CKB: variants seen among roughly 807,000 people sequenced by gnomAD.
The protein encoded by CKB is creatine kinase B, also known as creatine kinase B-type.
CKB carries 15 observed loss-of-function variants against 36.9 expected under a neutral mutation model. The ratio of observed to expected loss-of-function variants is 0.41; its 90% CI spans 0.27 to 0.63. The LOEUF is 0.63. Ranked by LOEUF, CKB falls within the 20% of genes least tolerant of loss-of-function variation. CKB has a pLI of 0.34. For missense variants in CKB, 413 were observed against 534.9 expected (o/e 0.77, Z 2.25); for synonymous variants, 250 against 228.2 (o/e 1.10, Z -0.86).
Position 103,522,555 on chromosome 14 carries a change from G to GGCCCCCCC in CKB, c.-12-51_-12-50insGGGGGGGC. On this transcript the variant is annotated intron_variant, in intron 1 of 7. Transcript: ENST00000348956. The surrounding 1 kb of genome is among the most constrained non-coding windows in gnomAD (Gnocchi z 6.7). ...GGGACCGGCACGCCGGGGTTCCCGG[G>GGCCCCCCC]CTCCCGCGTACCACTCAGGCCCCCG... The GGCCCCCCC allele has an allele frequency of 9.6e-7, 1 of 1,041,602 alleles. No homozygotes were observed. The highest frequency in any genetic ancestry group is 1.3e-6 in the Non-Finnish European group (1 of 787,018). 64.5% of individuals were successfully genotyped at this position (1,041,602 alleles called of 1,614,324 possible).
chr14:103,520,735 C>CGGGGCGGGCGG (rs2075894190), intron 5 of CKB, 143 bp from the exon 6 acceptor site: 2 of 1,183,098 alleles, frequency 1.7e-6, no homozygotes, highest in Admixed American at 5.8e-5. Context: ...CCCGCCAACA[C>CGGGGCGGGCGG]GGGGCGGGCG....
chr14:103,519,753 T>C lies in CKB; in HGVS notation c.*111A>G. The C allele has an allele frequency of 2.4e-6, 3 of 1,266,468 alleles. No homozygotes were observed. The highest frequency in any genetic ancestry group is 3.3e-6 in the Non-Finnish European group (3 of 922,838). The allele number at this position is 1,266,468 out of a possible 1,614,324, so 78.5% of individuals were successfully genotyped here. A position where few individuals can be genotyped will look rare whatever the true frequency, so the allele number is the denominator to read the frequency against. ...CTCTACCAAGGGTGACGGAAGTCTC[T>C]ACAGCAAGGCTAAGGGCTCGCCAGA... On this transcript the variant is annotated 3_prime_UTR_variant, in exon 8 of 8. Coordinates refer to ENST00000348956, the MANE Select transcript of CKB (RefSeq NM_001823.5).
chr14:103,521,586 C>T, intron 4 of CKB, 152 bp from the exon 5 acceptor site: 1 of 912,566 alleles, frequency 1.1e-6, no homozygotes, highest in Non-Finnish European at 1.5e-6. Context: ...GCCCGGGCGA[C>T]GGTCCCAGGC....
In CKB at chr14:103,522,182, G is replaced by C. The variant is rs769007436; in HGVS notation, c.194-5C>G. 3 of 1,602,298 alleles carry C rather than the reference G, an allele frequency of 1.9e-6. No individual in the cohort carries two copies. Among genetic ancestry groups the C allele is most frequent in the Non-Finnish European group, 8.5e-7 (1 of 1,175,226 alleles). On this transcript the variant is annotated splice_region_variant and splice_polypyrimidine_tract_variant and intron_variant, in intron 2 of 7. Coordinates refer to ENST00000348956, the MANE Select transcript of CKB (RefSeq NM_001823.5). This position sits in a 1 kb window ranked among gnomAD's most constrained non-coding sequence, Gnocchi z 6.7. ...CGGTCATGATGTACGGGTGGCCTGGGGGAGGGGGCGCGGGACGGGGACAGT... is the reference window on the plus strand; with the variant it reads ...CGGTCATGATGTACGGGTGGCCTGGCGGAGGGGGCGCGGGACGGGGACAGT...
Position 103,522,591 on chromosome 14 carries a change from C to G in CKB, c.-12-86G>C. 1.1e-6 allele frequency: 1 copy of G among 893,142 alleles called. No individual in the cohort carries two copies. The highest frequency in any genetic ancestry group is 1.5e-6 in the Non-Finnish European group (1 of 661,734). 55.3% of individuals were successfully genotyped at this position (893,142 alleles called of 1,614,324 possible). On this transcript the variant is annotated intron_variant, in intron 1 of 7. Coordinates refer to ENST00000348956, the MANE Select transcript of CKB (RefSeq NM_001823.5). The surrounding 1 kb of genome is among the most constrained non-coding windows in gnomAD (Gnocchi z 6.7). ...CCACTCAGGCCCCCGCCGCCGGGCC[C>G]CCCGGCGCCCCCCGGGACGCGGCCA...
At position 103,520,052 on chromosome 14, in the gene CKB, C is replaced by A. The variant is rs774679579; in HGVS notation, c.968-10G>T. The A allele has an allele frequency of 6.2e-7, 1 of 1,609,272 alleles. No individual in the cohort carries two copies. The highest frequency in any genetic ancestry group is 1.7e-5 in the Admixed American group (1 of 59,942). On this transcript the variant is annotated splice_polypyrimidine_tract_variant and intron_variant, in intron 7 of 7. Transcript: ENST00000348956. ...GCCGTGTCCACACCGCCTGGGGAGA[C>A]AGCAAGTCAGGGCGGAGGAAACAGG... is the stretch of plus-strand genomic sequence containing the variant.
In CKB at chr14:103,522,446, G is replaced by C; in HGVS notation, c.48C>G (p.Ala16=). The C allele has an allele frequency of 1.2e-6, 2 of 1,609,954 alleles. No homozygotes were observed. Among genetic ancestry groups the C allele is most frequent in the Non-Finnish European group, 1.7e-6 (2 of 1,178,732 alleles). The stretch of plus-strand genomic sequence containing the variant: ...CGCTCAGGTCGGGGAACTCGTCCTC[G>C]GCCGGGAAGCGCAGCTTCAGTGCGT... ...SHNALKLRFP[A]EDEFPDLSAH... Residue 16 remains alanine (A), a synonymous_variant, in exon 2 of 8, where the codon GCC becomes GCG. Transcript: ENST00000348956. This position sits in a 1 kb window ranked among gnomAD's most constrained non-coding sequence, Gnocchi z 6.7.
rs893112756 is a variant in CKB at position 103,520,915 on chromosome 14, CAGCG to C, written c.654-327_654-324del. The stretch of plus-strand genomic sequence containing the variant: ...GCGTCACCAGCCCCTGGTAGAATCC[CAGCG>C]GCGGAGGAGTGAGAAAAGAAAACAA... On this transcript the variant is annotated intron_variant, in intron 5 of 7. Transcript: ENST00000348956. 5.3e-4 allele frequency among the ~76,000 whole-genome samples: 80 copies of C among 152,292 alleles called. 1 individual carries two copies. The highest frequency in any genetic ancestry group is 5.1e-3 in the Admixed American group (78 of 15,306).
chr14:103,522,453 A>T lies in CKB; in HGVS notation c.41T>A (p.Phe14Tyr). The T allele has an allele frequency of 6.2e-7, 1 of 1,609,182 alleles. No individual in the cohort carries two copies. The highest frequency in any genetic ancestry group is 8.5e-7 in the Non-Finnish European group (1 of 1,178,512). The change falls in exon 2 of 8, where the codon TTC (phenylalanine) becomes TAC (tyrosine). Residue 14 changes from phenylalanine to tyrosine, a missense_variant. By Grantham distance (22) the Phe-to-Tyr change is conservative. Coordinates refer to ENST00000348956, the MANE Select transcript of CKB (RefSeq NM_001823.5). The surrounding 1 kb of genome is among the most constrained non-coding windows in gnomAD (Gnocchi z 6.7). ...SNSHNALKLR[F>Y]PAEDEFPDLS... The stretch of plus-strand genomic sequence containing the variant: ...GTCGGGGAACTCGTCCTCGGCCGGG[A>T]AGCGCAGCTTCAGTGCGTTGTGGCT...
rs899427287 is a variant in CKB, at chr14:103,522,613, GC to G, written c.-12-109del. The G allele has an allele frequency of 1.3e-6, 1 of 787,034 alleles. No individual in the cohort carries two copies. Among genetic ancestry groups the G allele is most frequent in the Non-Finnish European group, 1.7e-6 (1 of 571,780 alleles). The allele number at this position is 787,034 out of a possible 1,614,324, so 48.8% of individuals were successfully genotyped here. On this transcript the variant is annotated intron_variant, in intron 1 of 7. Coordinates refer to ENST00000348956, the MANE Select transcript of CKB (RefSeq NM_001823.5). This position sits in a 1 kb window ranked among gnomAD's most constrained non-coding sequence, Gnocchi z 6.7. ...GCCCCCCGGCGCCCCCCGGGACGCG[GC>G]CAAGGTCAGCGGGGTCCGCAGCGCG... is the stretch of plus-strand genomic sequence containing the variant.
rs1351646605 is a variant in CKB, at chr14:103,522,784, C to G, written c.-31G>C. On this transcript the variant is annotated 5_prime_UTR_variant, in exon 1 of 8. Coordinates refer to ENST00000348956, the MANE Select transcript of CKB (RefSeq NM_001823.5). The surrounding 1 kb of genome is among the most constrained non-coding windows in gnomAD (Gnocchi z 6.7). ...CACTCACCGGGCGGCCGGGCGGGGG[C>G]GGGGGCGCTCCGTCCGTCGGCAGCT... The G allele has an allele frequency of 6.7e-6, 1 of 150,312 alleles. No individual in the cohort carries two copies. The highest frequency in any genetic ancestry group is 1.5e-5 in the Non-Finnish European group (1 of 67,314). The allele number at this position is 150,312 out of a possible 1,614,324, so 9.3% of individuals were successfully genotyped here. A position where few individuals can be genotyped will look rare whatever the true frequency, so the allele number is the denominator to read the frequency against.
Position 103,522,543 on chromosome 14 carries a change from C to G in CKB, c.-12-38G>C. ...GCGGGGTCAGAGGGGACCGGCACGC[C>G]GGGGTTCCCGGGCTCCCGCGTACCA... is the stretch of plus-strand genomic sequence containing the variant. On this transcript the variant is annotated intron_variant, in intron 1 of 7. Transcript: ENST00000348956. This position sits in a 1 kb window ranked among gnomAD's most constrained non-coding sequence, Gnocchi z 6.7. 5.1e-6 allele frequency: 4 copies of G among 783,450 alleles called. No homozygotes were observed. Among genetic ancestry groups the G allele is most frequent in the Non-Finnish European group, 7.2e-6 (4 of 556,730 alleles). The allele number at this position is 783,450 out of a possible 1,614,324, so 48.5% of individuals were successfully genotyped here.
chr14:103,520,496 G>T lies in CKB; in HGVS notation c.750C>A (p.Phe250Leu). The T allele has an allele frequency of 6.2e-7, 1 of 1,606,760 alleles. No individual in the cohort carries two copies. The highest frequency in any genetic ancestry group is 2.2e-5 in the East Asian group (1 of 44,618). Residue 250 changes from phenylalanine (F) to leucine (L), a missense_variant, in exon 6 of 8, where the codon TTC becomes TTA. Transcript: ENST00000348956. ...MQKGGNMKEV[F>L]TRFCTGLTQI... ...GGGTGAGGCCGGTGCAGAAGCGGGT[G>T]AACACCTCCTTCATGTTGCCCCCCT... is the stretch of plus-strand genomic sequence containing the variant.
At chr14:103,520,769 A>G in intron 5 of CKB, 177 bp from the exon 6 acceptor site, 2 of 871,106 alleles carry the variant, frequency 2.3e-6, no homozygotes, top group Non-Finnish European at 3.4e-6. Context: ...GCCTCACAGC[A>G]GGAGAACCCC....
rs1417163275 is a variant in CKB, at chr14:103,522,393, AG to A, written c.100del (p.Leu34Ter). 1 of 1,611,010 alleles carries A rather than the reference AG, an allele frequency of 6.2e-7. No homozygotes were observed. Among genetic ancestry groups the A allele is most frequent in the Non-Finnish European group, 8.5e-7 (1 of 1,179,070 alleles). The part of the protein sequence containing the change: ...SAHNNHMAKV[L>X]TPELYAELRA... ...CAGCTCCGCGTACAGCTCGGGGGTC[AG>A]CACCTTGGCCATGTGGTTGTTGTGG... On this transcript the variant is annotated frameshift_variant, in exon 2 of 8. Transcript: ENST00000348956. LOFTEE classifies it high-confidence loss of function. This position sits in a 1 kb window ranked among gnomAD's most constrained non-coding sequence, Gnocchi z 6.7.
Position 103,520,599 on chromosome 14 carries a change from G to A in CKB, c.654-7C>T, listed in dbSNP as rs2075893569. 1.2e-6 allele frequency: 2 copies of A among 1,610,714 alleles called. No homozygotes were observed. Among genetic ancestry groups the A allele is most frequent in the African/African-American group, 1.3e-5 (1 of 74,992 alleles). ...GGTCTTATTGTCATTGTGCCTGCGG[G>A]AGGGCTGGTCTCAGGGCATACCCAG... On this transcript the variant is annotated splice_polypyrimidine_tract_variant and splice_region_variant and intron_variant, in intron 5 of 7. Coordinates refer to ENST00000348956, the MANE Select transcript of CKB (RefSeq NM_001823.5).
At position 103,522,568 on chromosome 14, in the gene CKB, A is replaced by C. The variant is rs1423557175; in HGVS notation, c.-12-63T>G. 2.9e-5 allele frequency: 18 copies of C among 623,426 alleles called. No individual in the cohort carries two copies. Among genetic ancestry groups the C allele is most frequent in the East Asian group, 1.8e-4 (2 of 10,866 alleles). 38.6% of individuals were successfully genotyped at this position (623,426 alleles called of 1,614,324 possible). A position where few individuals can be genotyped will look rare whatever the true frequency, so the allele number is the denominator to read the frequency against. ...CGGGGTTCCCGGGCTCCCGCGTACC[A>C]CTCAGGCCCCCGCCGCCGGGCCCCC... On this transcript the variant is annotated intron_variant, in intron 1 of 7. Coordinates refer to ENST00000348956, the MANE Select transcript of CKB (RefSeq NM_001823.5). This position sits in a 1 kb window ranked among gnomAD's most constrained non-coding sequence, Gnocchi z 6.7.
chr14:103,521,174 A>T, intron 5 of CKB, 89 bp downstream of exon 5: 1 of 1,296,084 alleles, frequency 7.7e-7, no homozygotes, highest in South Asian at 1.3e-5. Flanking sequence ...CCTCGCCGCG[A>T]GGGGCCCCAC....
At chr14:103,520,066 G>A (rs1037033489) in intron 7 of CKB, 24 bp from the exon 8 acceptor site, 15 of 1,607,676 alleles carry the variant, frequency 9.3e-6, no homozygotes, top group Middle Eastern at 1.6e-4. Context: ...AAGTCAGGGC[G>A]GAGGAAACAG....
Sources: allele counts gnomAD v4.1 joint callset (sites outside exome capture counted in the v4.1 genomes callset), GRCh38; gene constraint gnomAD v4.1.1; non-coding constraint Gnocchi (gnomAD v3.1); transcripts MANE v1.5; gene names NCBI Gene and HGNC (gene_info 2026-07-23, HGNC 2026-07-21).